Variants in COL5A2 observed in about 807,000 individuals in gnomAD.
The protein encoded by COL5A2 is collagen type V alpha 2 chain.
Under a neutral mutation model 208.2 loss-of-function variants are expected in COL5A2, and 23 were observed. The ratio of observed to expected loss-of-function variants is 0.11; its 90% CI spans 0.08 to 0.16. The LOEUF (loss-of-function observed/expected upper bound fraction) is 0.16, where lower values mean the gene tolerates loss of function less well. Among genes scored for constraint, COL5A2 ranks in the 10% least tolerant of loss-of-function variants. COL5A2 has a pLI of 1.00. For missense variants in COL5A2, 1,590 were observed against 1,956.4 expected, an observed-to-expected ratio of 0.81 and a Z score of 3.53; for synonymous variants, 625 against 628.5, an observed-to-expected ratio of 0.99 and a Z score of 0.08.
the COL5A2 span, among the ~76,000 whole-genome samples, chr2:189,315,296 A>T: frequency 2.6e-5 from 4 of 152,226 alleles, no homozygotes; most frequent in African/African-American, 9.6e-5. Context: ...AAGTCAATAC[A>T]TGTGATTCAT....
chr2:189,060,324 C>T (rs904332876), intron 31 of COL5A2, among the ~76,000 whole-genome samples: 1 of 152,074 alleles, frequency 6.6e-6, no homozygotes, highest in African/African-American at 2.4e-5. Context: ...TTTGTAGAGG[C>T]AAGCACACAG....
chr2:189,101,842 T>C lies in COL5A2; in HGVS notation c.337-1703A>G, dbSNP rs149720835. On this transcript the variant is annotated intron_variant, in intron 3 of 53. Transcript: ENST00000374866. ...GCAGTTCTATAGGGTAAGTTCAAGA[T>C]TGAAACACTAGGGACTAATAGCCAA... 3.3e-3 allele frequency among the ~76,000 whole-genome samples: 503 copies of C among 152,060 alleles called. 1 individual carries two copies. The highest frequency in any genetic ancestry group is 0.011 in the African/African-American group (456 of 41,498).
At chr2:189,125,027 T>C (rs1687581052) in intron 1 of COL5A2, among the ~76,000 whole-genome samples, 1 of 152,156 alleles carries the variant, frequency 6.6e-6, no homozygotes, top group African/African-American at 2.4e-5. Flanking sequence ...ATAGTGTTAA[T>C]GGAATAGCAA....
chr2:189,154,941 T>C (rs60607408), intron 1 of COL5A2, among the ~76,000 whole-genome samples: 1 of 152,274 alleles, frequency 6.6e-6, no homozygotes, highest in African/African-American at 2.4e-5. Context: ...TACCTTGAAA[T>C]AAAATAATAA....
chr2:189,323,655 C>T, the COL5A2 span, among the ~76,000 whole-genome samples: 1 of 152,126 alleles, frequency 6.6e-6, no homozygotes, highest in African/African-American at 2.4e-5. Context: ...CAAACCACTG[C>T]TCAATGAAAT....
At chr2:189,431,762 G>A in the COL5A2 span, among the ~76,000 whole-genome samples, 4 of 152,282 alleles carry the variant, frequency 2.6e-5, no homozygotes, top group East Asian at 1.9e-4. Flanking sequence ...AACCAAGTCC[G>A]AAAGCACTCT....
intron 16 of COL5A2, among the ~76,000 whole-genome samples, chr2:189,077,382 A>G (rs1461998771): frequency 6.6e-6 from 1 of 152,204 alleles, no homozygotes; most frequent in East Asian, 1.9e-4. Flanking sequence ...AACAGAATAC[A>G]AAGTTGGAAA....
the COL5A2 span, among the ~76,000 whole-genome samples, chr2:189,320,951 G>C: frequency 6.6e-6 from 1 of 152,226 alleles, no homozygotes; most frequent in African/African-American, 2.4e-5. Context: ...AAGCCTATCA[G>C]ACTAACAGTG....
chr2:189,097,797 T>G (rs1326225906), intron 5 of COL5A2: 3 of 416,634 alleles, frequency 7.2e-6, no homozygotes, highest in Non-Finnish European at 1.4e-5. Context: ...TCATCACTGT[T>G]CAAGTTGCTG....
chr2:189,069,397 T>C (rs1294368692), intron 18 of COL5A2, among the ~76,000 whole-genome samples: 1 of 152,210 alleles, frequency 6.6e-6, no homozygotes, highest in Non-Finnish European at 1.5e-5. Flanking sequence ...TTTAGTATGT[T>C]CTTACATAAA....
At chr2:189,304,781 G>A in the COL5A2 span, among the ~76,000 whole-genome samples, 7 of 152,152 alleles carry the variant, frequency 4.6e-5, no homozygotes, top group Admixed American at 3.9e-4. Context: ...GTAATAGGAG[G>A]TGCCTCCAAG....
At chr2:189,378,442 C>T in the COL5A2 span, among the ~76,000 whole-genome samples, 3 of 151,876 alleles carry the variant, frequency 2.0e-5, no homozygotes, top group East Asian at 3.9e-4. Flanking sequence ...AGGAGAAAAG[C>T]GGCCGGGCGC....
At chr2:189,220,149 C>A (rs1161342586) in intron 1 of COL5A2, among the ~76,000 whole-genome samples, 1 of 152,106 alleles carries the variant, frequency 6.6e-6, no homozygotes, top group Non-Finnish European at 1.5e-5. Flanking sequence ...CTGAGGCCCA[C>A]CCTGAAGGGG....
intron 1 of COL5A2, among the ~76,000 whole-genome samples, chr2:189,209,501 G>A (rs2105866045): frequency 6.6e-6 from 1 of 152,286 alleles, no homozygotes; most frequent in South Asian, 2.1e-4. Context: ...TTATAGACCA[G>A]AAATCTGAGA....
At chr2:189,222,938 G>A (rs1314511544) in intron 1 of COL5A2, among the ~76,000 whole-genome samples, 1 of 152,058 alleles carries the variant, frequency 6.6e-6, no homozygotes, top group Non-Finnish European at 1.5e-5. Context: ...GTCTCTTACG[G>A]TGAGAAATTC....
the COL5A2 span, among the ~76,000 whole-genome samples, chr2:189,276,012 T>G: frequency 1.1e-4 from 16 of 152,210 alleles, no homozygotes; most frequent in Middle Eastern, 3.2e-3. Context: ...AGCAATTGAT[T>G]GTTTGCATGA....
At chr2:189,429,377 G>A in the COL5A2 span, among the ~76,000 whole-genome samples, 1 of 152,122 alleles carries the variant, frequency 6.6e-6, no homozygotes, top group South Asian at 2.1e-4. Context: ...TGGCTCCTTG[G>A]TTCACATACC....
intron 51 of COL5A2, among the ~76,000 whole-genome samples, chr2:189,038,488 A>T (rs918317765): frequency 6.6e-6 from 1 of 152,116 alleles, no homozygotes; most frequent in Non-Finnish European, 1.5e-5. Flanking sequence ...ACAGTGATGA[A>T]TACATGAATT....
chr2:189,150,776 C>T (rs1178146812), intron 1 of COL5A2, among the ~76,000 whole-genome samples: 2 of 152,074 alleles, frequency 1.3e-5, no homozygotes, highest in Non-Finnish European at 2.9e-5. Context: ...TTAATTTATA[C>T]AGAGCATCAG....
Sources: gnomAD v4.1 joint callset for allele counts (sites outside exome capture counted in the v4.1 genomes callset) on GRCh38, gnomAD v4.1.1 for gene constraint, MANE v1.5 for transcripts, NCBI Gene and HGNC (gene_info 2026-07-23, HGNC 2026-07-21) for gene names.